Variants in ADAMTS3 observed in about 807,000 individuals in gnomAD.
ADAMTS3 encodes ADAM metallopeptidase with thrombospondin type 1 motif 3.
In ADAMTS3, 73 loss-of-function variants were observed where a neutral mutation model predicts 129.0. The ratio of observed to expected loss-of-function variants is 0.57; its 90% confidence interval spans 0.47 to 0.69. The LOEUF (loss-of-function observed/expected upper bound fraction) is 0.69, where lower values mean the gene tolerates loss of function less well. Among genes scored for constraint, ADAMTS3 ranks in the 30% least tolerant of loss-of-function variants. The pLI is 0.00. For synonymous variants in ADAMTS3, 477 were observed against 510.8 expected (o/e 0.93, Z 0.89); for missense variants, 1,457 against 1,514.5 (o/e 0.96, Z 0.63).
At chr4:72,490,377 G>C (rs1719708786) in intron 3 of ADAMTS3, among the ~76,000 whole-genome samples, 10 of 151,616 alleles carry the variant, frequency 6.6e-5, no homozygotes, top group Admixed American at 6.6e-4. Flanking sequence ...GTCTATTTTT[G>C]CTTTTGTTGC....
chr4:72,351,220 T>C (rs901004724), intron 4 of ADAMTS3, among the ~76,000 whole-genome samples: 6 of 152,012 alleles, frequency 3.9e-5, no homozygotes, highest in Admixed American at 6.6e-5. Flanking sequence ...GCAGTCTCTC[T>C]TATTCTATCT....
rs78874718 is a variant in ADAMTS3, at chr4:72,481,939, A to G, written c.504+66539T>C. 6.5e-4 allele frequency among the ~76,000 whole-genome samples: 99 copies of G among 152,254 alleles called. 1 individual carries two copies. In the East Asian group the frequency reaches 0.017, roughly 27 times the overall value. On this transcript the variant is annotated intron_variant, in intron 3 of 21. Coordinates refer to ENST00000286657, the MANE Select transcript of ADAMTS3 (RefSeq NM_014243.3). Reference sequence around the variant, plus strand: ...GATAATTAACCATTATGAAAATCCAAATTAAAAGAACAGTGAGCTATGACT... The same window carrying G: ...GATAATTAACCATTATGAAAATCCAGATTAAAAGAACAGTGAGCTATGACT...
At chr4:72,288,127 A>G (rs1164254808) in intron 21 of ADAMTS3, among the ~76,000 whole-genome samples, 3 of 152,138 alleles carry the variant, frequency 2.0e-5, no homozygotes, top group Non-Finnish European at 4.4e-5. Flanking sequence ...TGGCCTCCCA[A>G]AGTGCTGGGA....
At chr4:72,407,493 A>G (rs1465400542) in intron 4 of ADAMTS3, among the ~76,000 whole-genome samples, 1 of 152,184 alleles carries the variant, frequency 6.6e-6, no homozygotes, top group Non-Finnish European at 1.5e-5. Flanking sequence ...AAAACCTGCC[A>G]AAGTGCTGAT....
chr4:72,481,657 T>G (rs1044375889), intron 3 of ADAMTS3, among the ~76,000 whole-genome samples: 1 of 152,050 alleles, frequency 6.6e-6, no homozygotes, highest in Non-Finnish European at 1.5e-5. Flanking sequence ...TCTTATGACA[T>G]GAACCATAAA....
intron 4 of ADAMTS3, among the ~76,000 whole-genome samples, chr4:72,365,379 C>A (rs1720843231): frequency 6.6e-6 from 1 of 152,178 alleles, no homozygotes; most frequent in Non-Finnish European, 1.5e-5. Flanking sequence ...CACATCATGA[C>A]ACCCATTATG....
chr4:72,493,228 A>AT (rs1313645806), intron 3 of ADAMTS3, among the ~76,000 whole-genome samples: 3 of 151,868 alleles, frequency 2.0e-5, no homozygotes, highest in African/African-American at 7.2e-5. Flanking sequence ...TAAAGAAATT[A>AT]TTTTTAGGTG....
chr4:72,476,404 C>T (rs1719233713), intron 3 of ADAMTS3, among the ~76,000 whole-genome samples: 1 of 151,886 alleles, frequency 6.6e-6, no homozygotes, highest in Non-Finnish European at 1.5e-5. Flanking sequence ...CATAAACTAC[C>T]ACAACTCATC....
intron 4 of ADAMTS3, among the ~76,000 whole-genome samples, chr4:72,390,847 T>C (rs975833820): frequency 3.3e-5 from 5 of 150,968 alleles, no homozygotes; most frequent in Non-Finnish European, 5.9e-5. Context: ...CATGCCTTTC[T>C]AACTTCCCAA....
chr4:72,488,976 C>T (rs1319409694), intron 3 of ADAMTS3, among the ~76,000 whole-genome samples: 4 of 151,910 alleles, frequency 2.6e-5, no homozygotes, highest in Non-Finnish European at 5.9e-5. Flanking sequence ...CTTCTACTCT[C>T]CATTTCTATA....
intron 3 of ADAMTS3, among the ~76,000 whole-genome samples, chr4:72,431,209 T>G (rs913500333): frequency 6.6e-6 from 1 of 151,942 alleles, no homozygotes; most frequent in Non-Finnish European, 1.5e-5. Context: ...AAATGGCTCA[T>G]AAAACCTGTT....
At chr4:72,436,292 A>G (rs1240948263) in intron 3 of ADAMTS3, among the ~76,000 whole-genome samples, 11 of 152,208 alleles carry the variant, frequency 7.2e-5, no homozygotes, top group Admixed American at 6.5e-4. Flanking sequence ...AATGCAAATC[A>G]AAACCATAAT....
At chr4:72,451,472 T>C (rs1478427581) in intron 3 of ADAMTS3, among the ~76,000 whole-genome samples, 1 of 151,772 alleles carries the variant, frequency 6.6e-6, no homozygotes, top group Non-Finnish European at 1.5e-5. Context: ...TTTTAAAAGA[T>C]AGGCATGGAA....
Position 72,330,384 on chromosome 4 carries a change from C to T in ADAMTS3, c.862-7287G>A, listed in dbSNP as rs571178183. The T allele has an allele frequency of 2.6e-5, 4 of 152,316 alleles. No homozygotes were observed. The South Asian group carries it at 8.3e-4, about 32-fold the overall frequency. The allele number at this position is 152,316 out of a possible 1,614,324, so 9.4% of individuals were successfully genotyped here. ...TCATGTGTGAGGGCCATCTGTTCAACTCTACTAACAGGACTATCTATTTGG... is the reference window on the plus strand; with the variant it reads ...TCATGTGTGAGGGCCATCTGTTCAATTCTACTAACAGGACTATCTATTTGG... On this transcript the variant is annotated intron_variant, in intron 5 of 21. Transcript: ENST00000286657.
chr4:72,297,967 T>A (rs1718850082), intron 18 of ADAMTS3, among the ~76,000 whole-genome samples: 2 of 151,842 alleles, frequency 1.3e-5, no homozygotes, highest in South Asian at 2.1e-4. Context: ...AGGACCAGAG[T>A]ACACTGAATT....
chr4:72,372,787 C>T (rs975271233), intron 4 of ADAMTS3, among the ~76,000 whole-genome samples: 10 of 151,858 alleles, frequency 6.6e-5, no homozygotes, highest in African/African-American at 2.4e-4. Context: ...TTATAAAATG[C>T]TATTGAGGAA....
At chr4:72,568,623 A>C in intron 1 of ADAMTS3, 71 bp downstream of exon 1, 1 of 1,148,978 alleles carries the variant, frequency 8.7e-7, no homozygotes, top group Non-Finnish European at 1.3e-6. Context: ...AGAGGAGGGT[A>C]GAGAGGGGAG....
At chr4:72,410,234 C>T (rs200085097) in intron 4 of ADAMTS3, among the ~76,000 whole-genome samples, 1 of 152,088 alleles carries the variant, frequency 6.6e-6, no homozygotes, top group Non-Finnish European at 1.5e-5. Flanking sequence ...ATAATCTTCT[C>T]GTTTTTCTAG....
intron 19 of ADAMTS3, among the ~76,000 whole-genome samples, chr4:72,294,787 A>C (rs1384823220): frequency 6.6e-6 from 1 of 152,102 alleles, no homozygotes; most frequent in Non-Finnish European, 1.5e-5. Flanking sequence ...TTGAGTGTAG[A>C]TAATAATAGA....
Sources: allele counts gnomAD v4.1 joint callset (sites outside exome capture counted in the v4.1 genomes callset), GRCh38; gene constraint gnomAD v4.1.1; transcripts MANE v1.5; gene names NCBI Gene and HGNC (gene_info 2026-07-23, HGNC 2026-07-21).